Variants in USP34 observed in about 807,000 individuals in gnomAD.
USP34 encodes ubiquitin carboxyl-terminal hydrolase 34.
USP34 carries 70 observed loss-of-function variants against 460.3 expected under a neutral mutation model. The observed-to-expected ratio is 0.15, with a 90% CI of 0.13 to 0.19. The LOEUF (loss-of-function observed/expected upper bound fraction) is 0.19, where lower values mean the gene tolerates loss of function less well. Ranked by LOEUF, USP34 falls within the 10% of genes least tolerant of loss-of-function variation. The pLI, the probability that USP34 is intolerant of heterozygous loss-of-function variation, is 1.00. For synonymous variants in USP34, 1,647 were observed against 1,405.3 expected (o/e 1.17, Z -3.85); for missense variants, 3,985 against 4,236.2 (o/e 0.94, Z 1.65).
chr2:61,442,493 C>T (rs1558597162), intron 1 of USP34, among the ~76,000 whole-genome samples: 1 of 149,868 alleles, frequency 6.7e-6, no homozygotes, highest in African/African-American at 2.5e-5. Context: ...AAATGGCCAA[C>T]AAATATGTGA....
intron 6 of USP34, among the ~76,000 whole-genome samples, chr2:61,380,678 C>T (rs952632179): frequency 6.6e-6 from 1 of 152,194 alleles, no homozygotes; most frequent in Admixed American, 6.5e-5. Flanking sequence ...TATTTCTACA[C>T]CTTAAATCTG....
chr2:61,240,982 G>C (rs774441604), intron 53 of USP34, among the ~76,000 whole-genome samples: 5 of 152,128 alleles, frequency 3.3e-5, no homozygotes, highest in Non-Finnish European at 5.9e-5. Context: ...TCCAATCTAA[G>C]AAGCAAAACA....
intron 20 of USP34, among the ~76,000 whole-genome samples, chr2:61,325,702 C>T (rs934110648): frequency 6.6e-6 from 1 of 151,992 alleles, no homozygotes; most frequent in Admixed American, 6.6e-5. Context: ...TAAGAAAGCA[C>T]ACAAAAATTC....
intron 1 of USP34, among the ~76,000 whole-genome samples, chr2:61,469,819 T>C (rs1481086556): frequency 6.6e-6 from 1 of 152,194 alleles, no homozygotes; most frequent in African/African-American, 2.4e-5. Flanking sequence ...TGATTTGCAA[T>C]ATATCTTCTA....
At position 61,470,798 on chromosome 2, in the gene USP34, G is replaced by A; in HGVS notation, c.-106C>T. ...GGAGGAGGGGGCCGGCCGGCCGGCG[G>A]GGCGGGGAGGCGACTAGGGCGGGCG... On this transcript the variant is annotated 5_prime_UTR_variant, in exon 1 of 80. Coordinates refer to ENST00000398571, the MANE Select transcript of USP34 (RefSeq NM_014709.4). 2.2e-6 allele frequency: 2 copies of A among 909,046 alleles called. No individual in the cohort carries two copies. The highest frequency in any genetic ancestry group is 3.3e-6 in the Non-Finnish European group (2 of 599,776). 56.3% of individuals were successfully genotyped at this position (909,046 alleles called of 1,614,324 possible).
chr2:61,366,447 A>C (rs1692444611), intron 10 of USP34, among the ~76,000 whole-genome samples: 1 of 152,224 alleles, frequency 6.6e-6, no homozygotes, highest in South Asian at 2.1e-4. Context: ...GCCACCCGTC[A>C]GTCAGAAAAA....
At chr2:61,262,494 G>A (rs1688920989) in intron 43 of USP34, among the ~76,000 whole-genome samples, 1 of 152,106 alleles carries the variant, frequency 6.6e-6, no homozygotes, top group Non-Finnish European at 1.5e-5. Context: ...TTCCATACAT[G>A]TTTTTGCAAA....
At chr2:61,364,090 A>G (rs895001938) in intron 10 of USP34, among the ~76,000 whole-genome samples, 1 of 152,216 alleles carries the variant, frequency 6.6e-6, no homozygotes. Context: ...ACAGAATGTA[A>G]AACAGCTGAG....
intron 1 of USP34, among the ~76,000 whole-genome samples, chr2:61,429,355 G>C (rs909505253): frequency 5.3e-5 from 8 of 152,072 alleles, no homozygotes; most frequent in African/African-American, 1.7e-4. Context: ...GCTGAGGCAG[G>C]AGAATGGCAT....
At chr2:61,242,535 A>G (rs1393162435) in intron 51 of USP34, among the ~76,000 whole-genome samples, 5 of 151,814 alleles carry the variant, frequency 3.3e-5, no homozygotes, top group South Asian at 2.1e-4. Context: ...CCATGAAGCA[A>G]TAAGAAGCAA....
intron 19 of USP34, 69 bp from the exon 20 acceptor site, chr2:61,331,440 G>C: frequency 8.1e-7 from 1 of 1,233,378 alleles, no homozygotes; most frequent in Non-Finnish European, 1.1e-6. Context: ...TGCTATGACA[G>C]TAAATATGCA....
chr2:61,233,833 A>C (rs929052508), intron 57 of USP34, among the ~76,000 whole-genome samples: 2 of 129,394 alleles, frequency 1.5e-5, no homozygotes, highest in African/African-American at 5.6e-5. Flanking sequence ...AGTGACACCC[A>C]CTCTGGGGGT....
At chr2:61,434,008 C>G (rs1573037187) in intron 1 of USP34, among the ~76,000 whole-genome samples, 1 of 152,180 alleles carries the variant, frequency 6.6e-6, no homozygotes, top group African/African-American at 2.4e-5. Flanking sequence ...AAGGAACAGT[C>G]TGACAGTCCC....
At chr2:61,317,917 A>T in intron 22 of USP34, 150 bp from the exon 23 acceptor site, 2 of 604,400 alleles carry the variant, frequency 3.3e-6, no homozygotes, top group Non-Finnish European at 5.4e-6. Context: ...AAAATATATA[A>T]TAATTTTGCT....
chr2:61,391,377 A>G (rs1367150939), intron 5 of USP34, among the ~76,000 whole-genome samples: 2 of 152,216 alleles, frequency 1.3e-5, no homozygotes, highest in Admixed American at 6.5e-5. Flanking sequence ...GAATGGGATC[A>G]TTTCCTGAGT....
intron 33 of USP34, among the ~76,000 whole-genome samples, chr2:61,290,919 AC>A (rs1347018274): frequency 6.6e-6 from 1 of 152,148 alleles, no homozygotes; most frequent in Non-Finnish European, 1.5e-5. Flanking sequence ...TTTTGTAGAT[AC>A]AACATCAAAA....
At chr2:61,408,610 G>A (rs1449209665) in intron 2 of USP34, among the ~76,000 whole-genome samples, 2 of 151,940 alleles carry the variant, frequency 1.3e-5, no homozygotes, top group African/African-American at 4.8e-5. Flanking sequence ...AAAGTAAGAG[G>A]TCAGGCTGGG....
chr2:61,378,932 A>AAAAAAAAAAAC (rs1692884679), intron 7 of USP34, among the ~76,000 whole-genome samples: 1 of 150,656 alleles, frequency 6.6e-6, no homozygotes, highest in Non-Finnish European at 1.5e-5. Context: ...AAAAAAAAAA[A>AAAAAAAAAAAC]AAAAACAACA....
At chr2:61,436,567 TCTAACGG>T (rs1694819214) in intron 1 of USP34, among the ~76,000 whole-genome samples, 1 of 152,102 alleles carries the variant, frequency 6.6e-6, no homozygotes, top group African/African-American at 2.4e-5. Flanking sequence ...CATAATTAGA[TCTAACGG>T]GAGAGACAGA....
Sources: allele counts gnomAD v4.1 joint callset (sites outside exome capture counted in the v4.1 genomes callset), GRCh38; gene constraint gnomAD v4.1.1; transcripts MANE v1.5; gene names NCBI Gene and HGNC (gene_info 2026-07-23, HGNC 2026-07-21).